Variants in HTR2C observed in about 807,000 individuals in gnomAD.
HTR2C encodes 5-hydroxytryptamine (serotonin) receptor 2C, G protein-coupled.
HTR2C carries 5 observed loss-of-function variants against 21.0 expected under a neutral mutation model. The ratio of observed to expected loss-of-function variants is 0.24; its 90% CI spans 0.12 to 0.50. HTR2C has a LOEUF of 0.50. HTR2C is among the 20% of genes least tolerant of loss of function. The probability of loss-of-function intolerance (pLI) is 0.98; values close to 1 mark genes in which losing one functional copy is unlikely to be tolerated. For synonymous variants in HTR2C, 150 were observed against 145.3 expected, an observed-to-expected ratio of 1.03 and a Z score of -0.23; for missense variants, 271 against 371.2, an observed-to-expected ratio of 0.73 and a Z score of 2.22.
intron 2 of HTR2C, among the ~76,000 whole-genome samples, chrX:114,633,095 G>C (rs1602650707): frequency 9.0e-6 from 1 of 110,806 alleles, no homozygotes; most frequent in East Asian, 2.9e-4. Flanking sequence ...GCTCATCTTA[G>C]AGGTCCATGT....
intron 2 of HTR2C, among the ~76,000 whole-genome samples, chrX:114,704,263 G>T (rs1479410738): frequency 3.6e-5 from 4 of 111,314 alleles, no homozygotes; most frequent in Non-Finnish European, 5.7e-5. Context: ...CCAAAAAAGA[G>T]AATTTTAGAC....
chrX:114,906,924 C>T lies in HTR2C; in HGVS notation c.886C>T (p.Pro296Ser), dbSNP rs973906280. The change falls in exon 6 of 6, where the codon CCT becomes TCT. Residue 296 changes from proline to serine, a missense_variant. Pro to Ser is a moderately conservative substitution (Grantham distance 74). This residue lies in a region of HTR2C where 192 missense variants were observed against 247.2 expected (regional missense o/e 0.78). Transcript: ENST00000276198. Reference protein sequence around the residue: ...ARRRKKKERRPRGTMQAINNE... With the variant: ...ARRRKKKERRSRGTMQAINNE... ...CCGAAGAAAGAAGAAGGAGAGACGT[C>T]CTAGGGGCACCATGCAGGCTATCAA... 1.7e-6 allele frequency: 2 copies of T among 1,208,530 alleles called. No individual in the cohort carries two copies. Among genetic ancestry groups the T allele is most frequent in the African/African-American group, 1.8e-5 (1 of 56,889 alleles).
chrX:114,641,241 CT>C (rs1930108014), intron 2 of HTR2C, among the ~76,000 whole-genome samples: 1 of 110,283 alleles, frequency 9.1e-6, no homozygotes. Context: ...AGATTTTCTG[CT>C]TTAGCAGATG....
At chrX:114,873,385 GT>G (rs1311972156) in intron 5 of HTR2C, among the ~76,000 whole-genome samples, 7 of 111,173 alleles carry the variant, frequency 6.3e-5, no homozygotes, top group African/African-American at 2.3e-4. Flanking sequence ...ATCAGCAGTT[GT>G]TGCTTTAGGG....
intron 5 of HTR2C, among the ~76,000 whole-genome samples, chrX:114,849,771 G>T (rs1453848572): frequency 9.0e-6 from 1 of 111,691 alleles, no homozygotes; most frequent in African/African-American, 3.2e-5. Flanking sequence ...TATTATTCAG[G>T]TTTCCAATTT....
In HTR2C at chrX:114,732,898, A is replaced by T. The variant is rs938081058; in HGVS notation, c.349+1291A>T. Among the ~76,000 whole-genome samples the T allele has an allele frequency of 5.4e-5, 6 of 112,098 alleles. No homozygotes were observed. The South Asian group carries it at 2.2e-3, about 42-fold the overall frequency. On this transcript the variant is annotated intron_variant, in intron 4 of 5. Transcript: ENST00000276198. The stretch of plus-strand genomic sequence containing the variant: ...TCCCCTGCCCAAATAAACAAAGAAC[A>T]ATATAAAAAACAAATAAAACTGCAC...
At chrX:114,857,709 G>A (rs1372739731) in intron 5 of HTR2C, among the ~76,000 whole-genome samples, 1 of 110,636 alleles carries the variant, frequency 9.0e-6, no homozygotes, top group African/African-American at 3.3e-5. Context: ...ATTTGTCAGC[G>A]TTTTCTTTAA....
chrX:114,903,218 T>A (rs1353060901), intron 5 of HTR2C, among the ~76,000 whole-genome samples: 1 of 112,258 alleles, frequency 8.9e-6, no homozygotes, highest in Non-Finnish European at 1.9e-5. Flanking sequence ...TTGCTTTTTA[T>A]AATTTCCTCA....
intron 4 of HTR2C, among the ~76,000 whole-genome samples, chrX:114,845,217 A>G (rs2070864739): frequency 9.0e-6 from 1 of 111,409 alleles, no homozygotes; most frequent in Non-Finnish European, 1.9e-5. Context: ...AGTAACAGAA[A>G]GAAAACTAAA....
intron 4 of HTR2C, among the ~76,000 whole-genome samples, chrX:114,825,609 T>C (rs2091864647): frequency 1.8e-5 from 2 of 111,555 alleles, no homozygotes; most frequent in South Asian, 7.5e-4. Context: ...TGGTATGTTT[T>C]ATCAATGTCA....
At chrX:114,863,381 C>T (rs1465533939) in intron 5 of HTR2C, among the ~76,000 whole-genome samples, 3 of 111,340 alleles carry the variant, frequency 2.7e-5, no homozygotes, top group Admixed American at 9.6e-5. Context: ...TTTTTAGTTT[C>T]CCTTTTGACC....
At chrX:114,840,299 T>C (rs2070822542) in intron 4 of HTR2C, among the ~76,000 whole-genome samples, 1 of 109,379 alleles carries the variant, frequency 9.1e-6, no homozygotes, top group Non-Finnish European at 1.9e-5. Context: ...TTATTGAAAA[T>C]GGAAAACCTC....
At chrX:114,719,418 T>C (rs1229892583) in intron 2 of HTR2C, among the ~76,000 whole-genome samples, 1 of 111,667 alleles carries the variant, frequency 9.0e-6, no homozygotes, top group Non-Finnish European at 1.9e-5. Flanking sequence ...ACATTTCTTA[T>C]TGCAAAATAT....
At chrX:114,848,760 A>G (rs2070892830) in intron 5 of HTR2C, among the ~76,000 whole-genome samples, 1 of 110,978 alleles carries the variant, frequency 9.0e-6, no homozygotes, top group Non-Finnish European at 1.9e-5. Context: ...AATTCTGGGT[A>G]TACAAAAAGA....
At chrX:114,719,756 A>G (rs1197061177) in intron 2 of HTR2C, among the ~76,000 whole-genome samples, 2 of 111,639 alleles carry the variant, frequency 1.8e-5, no homozygotes, top group African/African-American at 6.5e-5. Flanking sequence ...TCTCAGGAAT[A>G]TACATGTAAA....
chrX:114,650,904 G>A (rs1265972716), intron 2 of HTR2C, among the ~76,000 whole-genome samples: 5 of 111,651 alleles, frequency 4.5e-5, no homozygotes, highest in Non-Finnish European at 7.5e-5. Context: ...GTAAGATGAT[G>A]AAAAGATTAG....
chrX:114,871,929 G>T (rs1298802872), intron 5 of HTR2C, among the ~76,000 whole-genome samples: 1 of 108,494 alleles, frequency 9.2e-6, no homozygotes, highest in Admixed American at 9.9e-5. Flanking sequence ...ATTTCATATA[G>T]ATTTCCAAAT....
chrX:114,876,422 C>CTTTTTTT (rs60498146), intron 5 of HTR2C, among the ~76,000 whole-genome samples: 1,392 of 61,977 alleles, frequency 0.022, 7 homozygotes, highest in East Asian at 0.031. Flanking sequence ...CTTTTTCTTT[C>CTTTTTTT]TTTTTTTTTT....
At chrX:114,896,817 C>T (rs1266408504) in intron 5 of HTR2C, among the ~76,000 whole-genome samples, 3 of 111,666 alleles carry the variant, frequency 2.7e-5, no homozygotes, top group African/African-American at 6.5e-5. Flanking sequence ...CGTAACTAAA[C>T]GATTTGGATC....
Sources: allele counts gnomAD v4.1 joint callset (sites outside exome capture counted in the v4.1 genomes callset), GRCh38; gene constraint gnomAD v4.1.1; regional missense constraint gnomAD v4.1.1; transcripts MANE v1.5; gene names NCBI Gene and HGNC (gene_info 2026-07-23, HGNC 2026-07-21).